Variants in GPR107 observed in about 807,000 individuals in gnomAD.
GPR107 encodes the protein G protein-coupled receptor 107, also known as protein GPR107.
GPR107 carries 31 observed loss-of-function variants against 75.5 expected under a neutral mutation model. The observed-to-expected ratio is 0.41, with a 90% CI of 0.31 to 0.55. The LOEUF (loss-of-function observed/expected upper bound fraction) is 0.55. GPR107 is among the 20% of genes least tolerant of loss of function. The pLI, the probability that GPR107 is intolerant of heterozygous loss-of-function variation, is 0.26. For synonymous variants in GPR107, 267 were observed against 251.3 expected, an observed-to-expected ratio of 1.06 and a Z score of -0.59; for missense variants, 572 against 665.7, an observed-to-expected ratio of 0.86 and a Z score of 1.55.
Position 130,104,448 on chromosome 9 carries a change from T to C in GPR107, c.1160T>C (p.Ile387Thr), listed in dbSNP as rs772556213. ...CTGGCAAATGTAGCCTACATCATCA[T>C]AGAGTCCACCGAGGAGGGCACGACT... ...QVLANVAYIIIESTEEGTTEY... is the reference protein window; with the variant it reads ...QVLANVAYIITESTEEGTTEY... Residue 387 changes from isoleucine (I) to threonine (T), a missense_variant, in exon 13 of 18, where the codon ATA (isoleucine) becomes ACA (threonine). Coordinates refer to ENST00000347136, the MANE Select transcript of GPR107 (RefSeq NM_020960.5). The C allele has an allele frequency of 1.2e-6, 2 of 1,613,652 alleles. No homozygotes were observed. The highest frequency in any genetic ancestry group is 1.7e-6 in the Non-Finnish European group (2 of 1,179,566).
At chr9:130,122,642 G>C (rs906550929) in intron 14 of GPR107, among the ~76,000 whole-genome samples, 2 of 152,148 alleles carry the variant, frequency 1.3e-5, no homozygotes, top group Non-Finnish European at 2.9e-5. Flanking sequence ...GCTGCCCCGG[G>C]GGCAGAGGCT....
In GPR107 at chr9:130,079,700, G is replaced by T. The variant is rs773295334; in HGVS notation, c.457G>T (p.Val153Phe). Reference sequence around the variant, plus strand: ...GATCATCTTCAGCAGGGATGAGAAAGTCCTTGGTCAGAGCCAGGAGCCTAA... The same window carrying T: ...GATCATCTTCAGCAGGGATGAGAAATTCCTTGGTCAGAGCCAGGAGCCTAA... ...PKIIFSRDEK[V>F]LGQSQEPNVN... is the part of the protein sequence containing the mutation. Residue 153 changes from valine (V) to phenylalanine (F), a missense_variant, in exon 5 of 18, where the codon GTC (valine) becomes TTC (phenylalanine). Transcript: ENST00000347136. 1 of 1,612,686 alleles carries T rather than the reference G, an allele frequency of 6.2e-7. No individual in the cohort carries two copies. The highest frequency in any genetic ancestry group is 1.7e-5 in the Admixed American group (1 of 59,998).
At chr9:130,114,729 C>A in intron 14 of GPR107, 1 of 1,013,916 alleles carries the variant, frequency 9.9e-7, no homozygotes, top group Non-Finnish European at 1.2e-6. Context: ...ATCATACTAA[C>A]CGAAAAACTT....
At chr9:130,120,161 CTTG>C (rs1388405817) in intron 14 of GPR107, among the ~76,000 whole-genome samples, 3 of 152,212 alleles carry the variant, frequency 2.0e-5, no homozygotes, top group East Asian at 1.9e-4. Context: ...AAAGACAGCA[CTTG>C]TTGTCCCCAA....
chr9:130,110,318 G>A (rs1257454688), intron 14 of GPR107: 6 of 1,093,216 alleles, frequency 5.5e-6, no homozygotes, highest in South Asian at 2.7e-5. Flanking sequence ...TAACAGGAAC[G>A]CTTTTGTCAT....
At chr9:130,081,701 C>A (rs1039041694) in intron 5 of GPR107, among the ~76,000 whole-genome samples, 19 of 149,700 alleles carry the variant, frequency 1.3e-4, no homozygotes, top group African/African-American at 4.4e-4. Context: ...ACAAAAAACA[C>A]AAAAATTAGC....
intron 12 of GPR107, 52 bp downstream of exon 12, chr9:130,101,275 G>A (rs1169752287): frequency 1.0e-6 from 1 of 975,802 alleles, no homozygotes; most frequent in African/African-American, 1.6e-5. Context: ...GCTTAGCAGG[G>A]CTCAGCTCCA....
At chr9:130,068,568 A>G (rs1026905897) in intron 1 of GPR107, among the ~76,000 whole-genome samples, 1 of 152,170 alleles carries the variant, frequency 6.6e-6, no homozygotes, top group African/African-American at 2.4e-5. Flanking sequence ...AATTCAGTTT[A>G]TAAGAAAAAC....
chr9:130,080,207 ACTT>A (rs1427993483), intron 5 of GPR107, among the ~76,000 whole-genome samples: 2 of 152,170 alleles, frequency 1.3e-5, no homozygotes, highest in African/African-American at 4.8e-5. Context: ...GCTGCAGTGG[ACTT>A]CTTTATGCAT....
chr9:130,062,660 GCCTTCCTTCCTT>G (rs1199165645), intron 1 of GPR107, among the ~76,000 whole-genome samples: 96 of 69,108 alleles, frequency 1.4e-3, no homozygotes, highest in African/African-American at 5.2e-3. Context: ...CTGCCTGCCT[GCCTTCCTTCCTT>G]CCTTCCTTCC....
intron 8 of GPR107, among the ~76,000 whole-genome samples, chr9:130,091,657 T>C (rs1830742404): frequency 6.6e-6 from 1 of 151,358 alleles, no homozygotes; most frequent in Non-Finnish European, 1.5e-5. Context: ...GCCTCCTGAG[T>C]AGCTGGGATT....
intron 14 of GPR107, among the ~76,000 whole-genome samples, chr9:130,117,677 C>G (rs144099183): frequency 6.6e-6 from 1 of 152,150 alleles, no homozygotes; most frequent in African/African-American, 2.4e-5. Flanking sequence ...GGCTGTCCAT[C>G]GTCTTTATTT....
chr9:130,124,608 C>T (rs556093038), intron 14 of GPR107, among the ~76,000 whole-genome samples: 2 of 152,288 alleles, frequency 1.3e-5, no homozygotes, highest in South Asian at 2.1e-4. Flanking sequence ...TAGCATCTGC[C>T]AATTCCTGTG....
At chr9:130,069,474 T>C (rs1305964407) in intron 1 of GPR107, among the ~76,000 whole-genome samples, 16 of 152,198 alleles carry the variant, frequency 1.1e-4, no homozygotes. Flanking sequence ...CTGGTATTGT[T>C]ATCCTCATGC....
intron 1 of GPR107, among the ~76,000 whole-genome samples, chr9:130,060,048 A>C (rs1829889757): frequency 6.6e-6 from 1 of 151,598 alleles, no homozygotes; most frequent in African/African-American, 2.4e-5. Flanking sequence ...CGTGATCAGT[A>C]AATAAGTTTT....
rs193127705 is a variant in GPR107, at chr9:130,056,063, A to G, written c.141+1990A>G. 2.3e-3 allele frequency among the ~76,000 whole-genome samples: 316 copies of G among 137,496 alleles called. 1 individual carries two copies. The highest frequency in any genetic ancestry group is 8.2e-3 in the African/African-American group (299 of 36,246). 90.2% of individuals were successfully genotyped at this position (137,496 alleles called of 152,430 possible). ...AAATTATCCTGATTAAAATGGTTCAATCACAGGGGTGGGGGTGGGGCAAGT... is the reference window on the plus strand; with the variant it reads ...AAATTATCCTGATTAAAATGGTTCAGTCACAGGGGTGGGGGTGGGGCAAGT... On this transcript the variant is annotated intron_variant, in intron 1 of 17. Coordinates refer to ENST00000347136, the MANE Select transcript of GPR107 (RefSeq NM_020960.5).
At chr9:130,128,792 C>T in intron 17 of GPR107, 31 bp downstream of exon 17, 1 of 1,608,476 alleles carries the variant, frequency 6.2e-7, no homozygotes, top group Non-Finnish European at 8.5e-7. Flanking sequence ...CTTCCTTAGC[C>T]CTGACCCCTT....
At chr9:130,099,332 T>C (rs1274586746) in intron 9 of GPR107, 125 bp from the exon 10 acceptor site, 1 of 613,932 alleles carries the variant, frequency 1.6e-6, no homozygotes. Flanking sequence ...AAAAAAAGTT[T>C]CATGTTTGTG....
At chr9:130,127,681 CTCT>C (rs1831720497) in intron 16 of GPR107, 115 bp downstream of exon 16, 2 of 631,304 alleles carry the variant, frequency 3.2e-6, no homozygotes, top group Non-Finnish European at 5.6e-6. Context: ...GACCTTCCAT[CTCT>C]TCTTTTTTTT....
Sources: allele counts gnomAD v4.1 joint callset (sites outside exome capture counted in the v4.1 genomes callset), GRCh38; gene constraint gnomAD v4.1.1; transcripts MANE v1.5; gene names NCBI Gene and HGNC (gene_info 2026-07-23, HGNC 2026-07-21).